RSF1: variants seen among roughly 807,000 people sequenced by gnomAD.
RSF1 encodes remodeling and spacing factor 1.
Under a neutral mutation model 145.2 loss-of-function variants are expected in RSF1, and 13 were observed. The observed-to-expected ratio is 0.09, with a 90% CI of 0.06 to 0.14. The LOEUF (loss-of-function observed/expected upper bound fraction) is 0.14. Among genes scored for constraint, RSF1 ranks in the 10% least tolerant of loss-of-function variants. The pLI is 1.00. For missense variants in RSF1, 1,517 were observed against 1,718.2 expected (o/e 0.88, Z 2.07); for synonymous variants, 577 against 592.6 (o/e 0.97, Z 0.38).
In RSF1 at chr11:77,820,514, G is replaced by C; in HGVS notation, c.187+14C>G. The C allele has an allele frequency of 6.5e-7, 1 of 1,546,864 alleles. No homozygotes were observed. Among genetic ancestry groups the C allele is most frequent in the Non-Finnish European group, 8.7e-7 (1 of 1,146,268 alleles). On this transcript the variant is annotated intron_variant, in intron 1 of 15. Coordinates refer to ENST00000308488, the MANE Select transcript of RSF1 (RefSeq NM_016578.4). The stretch of plus-strand genomic sequence containing the variant: ...AGGGCCGCTTCCCGCCGGGCGTTCG[G>C]GCCCCTCGCTTACCTTCTCCGTTGC...
the RSF1 span, among the ~76,000 whole-genome samples, chr11:77,841,942 C>T: frequency 6.6e-6 from 1 of 152,184 alleles, no homozygotes; most frequent in African/African-American, 2.4e-5. Context: ...TGTTCATTTT[C>T]ATGTTCTGCC....
intron 5 of RSF1, among the ~76,000 whole-genome samples, chr11:77,715,767 T>C (rs990106296): frequency 6.6e-6 from 1 of 151,984 alleles, no homozygotes; most frequent in Non-Finnish European, 1.5e-5. Context: ...TCTTATATAA[T>C]AAAAATAGTA....
chr11:77,779,393 T>TG (rs1396078281), intron 1 of RSF1, among the ~76,000 whole-genome samples: 1 of 151,702 alleles, frequency 6.6e-6, no homozygotes, highest in African/African-American at 2.4e-5. Context: ...AATTTTTTTT[T>TG]TTTTTTGAGA....
the RSF1 span, among the ~76,000 whole-genome samples, chr11:77,860,645 G>T: frequency 1.3e-5 from 2 of 152,196 alleles, no homozygotes; most frequent in Admixed American, 1.3e-4. Context: ...GCTAATGCCT[G>T]GCCAAATAGA....
At chr11:77,789,450 G>A (rs1232614060) in intron 1 of RSF1, among the ~76,000 whole-genome samples, 3 of 152,190 alleles carry the variant, frequency 2.0e-5, no homozygotes, top group Admixed American at 2.0e-4. Context: ...ATGGACTACT[G>A]CCGCCGGGGC....
chr11:77,693,663 CTTAGG>C, intron 7 of RSF1, 52 bp from the exon 8 acceptor site: 1 of 1,296,318 alleles, frequency 7.7e-7, no homozygotes, highest in Non-Finnish European at 1.1e-6. Context: ...TTCAATGACT[CTTAGG>C]TTAAAGACGT....
the RSF1 span, chr11:77,841,253 C>T: frequency 1.4e-6 from 1 of 702,248 alleles, no homozygotes; most frequent in Non-Finnish European, 2.6e-6. Flanking sequence ...GTTATAATGG[C>T]AGTTAAATTT....
the RSF1 span, among the ~76,000 whole-genome samples, chr11:77,839,604 T>C: frequency 3.3e-5 from 5 of 152,052 alleles, no homozygotes; most frequent in African/African-American, 1.2e-4. Context: ...ATAAAGAAAA[T>C]ATGGTACCTC....
chr11:77,825,943 C>T, the RSF1 span, among the ~76,000 whole-genome samples: 5 of 152,118 alleles, frequency 3.3e-5, no homozygotes, highest in South Asian at 2.1e-4. Context: ...CTGCTCACCT[C>T]GGCCTCCCAA....
chr11:77,702,190 C>T lies in RSF1; in HGVS notation c.1039G>A (p.Glu347Lys). Residue 347 changes from glutamate to lysine, a missense_variant, in exon 6 of 16, where the codon GAG (glutamate) becomes AAG (lysine). By Grantham distance (56) the Glu-to-Lys change is moderately conservative. Around this residue, in one of 12 missense-constraint regions of RSF1, gnomAD observed 207 missense variants for 191.4 expected, o/e 1.08. Transcript: ENST00000308488. Reference sequence around the variant, plus strand: ...CCACCAAATTCGATCCTTTCAGGCTCCTGTGCCACTGGCTTCTCCATGCTA... The same window carrying T: ...CCACCAAATTCGATCCTTTCAGGCTTCTGTGCCACTGGCTTCTCCATGCTA... ...KSSMEKPVAQ[E>K]PERIEFGGNI... 5.0e-6 allele frequency: 8 copies of T among 1,614,088 alleles called. No individual in the cohort carries two copies. Among genetic ancestry groups the T allele is most frequent in the Non-Finnish European group, 6.8e-6 (8 of 1,179,996 alleles).
intron 6 of RSF1, among the ~76,000 whole-genome samples, chr11:77,699,259 A>G (rs1230921910): frequency 6.6e-6 from 1 of 152,202 alleles, no homozygotes; most frequent in Non-Finnish European, 1.5e-5. Flanking sequence ...CTGCATATAA[A>G]AATCCTGACA....
chr11:77,759,639 G>C (rs1402437714), intron 2 of RSF1, among the ~76,000 whole-genome samples: 8 of 152,164 alleles, frequency 5.3e-5, no homozygotes, highest in Non-Finnish European at 1.0e-4. Flanking sequence ...AGCCGAGATT[G>C]TGCCACTGCA....
intron 1 of RSF1, among the ~76,000 whole-genome samples, chr11:77,769,790 C>T (rs748888292): frequency 6.6e-6 from 1 of 152,194 alleles, no homozygotes; most frequent in Non-Finnish European, 1.5e-5. Flanking sequence ...CTCATAACGG[C>T]TAAACACATT....
intron 4 of RSF1, among the ~76,000 whole-genome samples, chr11:77,729,244 T>C (rs1330722313): frequency 2.6e-5 from 4 of 152,206 alleles, no homozygotes; most frequent in East Asian, 3.8e-4. Flanking sequence ...AGAAATTCTA[T>C]TGACACATTC....
At chr11:77,784,720 C>T (rs1948437492) in intron 1 of RSF1, among the ~76,000 whole-genome samples, 1 of 152,172 alleles carries the variant, frequency 6.6e-6, no homozygotes, top group Non-Finnish European at 1.5e-5. Context: ...GTCAGGTTTA[C>T]TACAATGAAT....
chr11:77,851,405 T>A, the RSF1 span: 1 of 152,242 alleles, frequency 6.6e-6, no homozygotes, highest in Non-Finnish European at 1.5e-5. Flanking sequence ...GAAAGATTGA[T>A]GAGCTGTTCC....
At chr11:77,724,196 T>G (rs1466198892) in intron 5 of RSF1, among the ~76,000 whole-genome samples, 1 of 152,142 alleles carries the variant, frequency 6.6e-6, no homozygotes, top group Non-Finnish European at 1.5e-5. Context: ...ATAATTACAA[T>G]GAGATGCTGT....
chr11:77,732,891 T>A (rs1026147817), intron 4 of RSF1, among the ~76,000 whole-genome samples: 1 of 152,294 alleles, frequency 6.6e-6, no homozygotes, highest in East Asian at 1.9e-4. Context: ...CTAGAACTTA[T>A]CACAAATGGA....
intron 1 of RSF1, among the ~76,000 whole-genome samples, chr11:77,793,390 C>A (rs1395150060): frequency 6.6e-6 from 1 of 152,094 alleles, no homozygotes; most frequent in Non-Finnish European, 1.5e-5. Flanking sequence ...GAGGCTAAGG[C>A]AGAAGATTGC....
Sources: allele counts gnomAD v4.1 joint callset (sites outside exome capture counted in the v4.1 genomes callset), GRCh38; gene constraint gnomAD v4.1.1; regional missense constraint gnomAD v4.1.1; transcripts MANE v1.5; gene names NCBI Gene and HGNC (gene_info 2026-07-23, HGNC 2026-07-21).